GRIP1: variants seen among roughly 807,000 people sequenced by gnomAD.
GRIP1 encodes glutamate receptor interacting protein 1.
A neutral mutation model predicts 129.9 loss-of-function variants in GRIP1; 45 were observed. The ratio of observed to expected loss-of-function variants is 0.35; its 90% CI spans 0.27 to 0.44. GRIP1 has a LOEUF of 0.44. GRIP1 is among the 20% of genes least tolerant of loss of function. The pLI, the probability that GRIP1 is intolerant of heterozygous loss-of-function variation, is 1.00. For synonymous variants in GRIP1, 530 were observed against 520.8 expected, an observed-to-expected ratio of 1.02 and a Z score of -0.24; for missense variants, 1,196 against 1,396.8, an observed-to-expected ratio of 0.86 and a Z score of 2.29.
chr12:66,970,105 TCTTA>T (rs2042051223), intron 1 of GRIP1, among the ~76,000 whole-genome samples: 1 of 151,992 alleles, frequency 6.6e-6, no homozygotes, highest in Admixed American at 6.6e-5. Context: ...TGAGACAGGG[TCTTA>T]CTTACTCTGT....
chr12:67,036,104 C>A (rs1014443199), intron 1 of GRIP1, among the ~76,000 whole-genome samples: 7 of 152,080 alleles, frequency 4.6e-5, no homozygotes, highest in African/African-American at 1.7e-4. Flanking sequence ...AGGTTCATCA[C>A]CATTGTTTCA....
At chr12:66,727,726 A>G (rs1260222744) in intron 1 of GRIP1, among the ~76,000 whole-genome samples, 1 of 152,202 alleles carries the variant, frequency 6.6e-6, no homozygotes, top group Non-Finnish European at 1.5e-5. Flanking sequence ...TTTTGAAAGA[A>G]GGTAGAAAAA....
In GRIP1 at chr12:66,379,334, G is replaced by A; in HGVS notation, c.2567C>T (p.Thr856Ile). The change falls in exon 20 of 25, where the codon ACT becomes ATT. Residue 856 changes from threonine to isoleucine, a missense_variant. By Grantham distance (89) the Thr-to-Ile change is moderately conservative. Coordinates refer to ENST00000359742, the MANE Select transcript of GRIP1 (RefSeq NM_001366722.1). ...ATAACTCAGCCCCACATCTGGGTAA[G>A]TCTGGCTTCGAGGCTTAGTGACTGG... ...LSPVTKPRSQ[T>I]YPDVGLSYED... 1 of 1,614,070 alleles carries A rather than the reference G, an allele frequency of 6.2e-7. No homozygotes were observed. Among genetic ancestry groups the A allele is most frequent in the South Asian group, 1.1e-5 (1 of 91,080 alleles).
At chr12:66,685,079 G>A (rs2034731804) in intron 1 of GRIP1, among the ~76,000 whole-genome samples, 1 of 151,980 alleles carries the variant, frequency 6.6e-6, no homozygotes, top group African/African-American at 2.4e-5. Flanking sequence ...ACTCCCACCT[G>A]ACTGCCAGCA....
chr12:66,582,489 T>C (rs1241358211), intron 2 of GRIP1, among the ~76,000 whole-genome samples: 13 of 149,100 alleles, frequency 8.7e-5, no homozygotes, highest in African/African-American at 2.5e-4. Flanking sequence ...GATGACATGA[T>C]TGTATATCTA....
chr12:66,550,500 T>C (rs1309897756), intron 2 of GRIP1, among the ~76,000 whole-genome samples: 1 of 152,156 alleles, frequency 6.6e-6, no homozygotes, highest in Non-Finnish European at 1.5e-5. Context: ...ACAGACTACT[T>C]TGAGAATTTA....
At chr12:66,867,133 C>A (rs556214702) in intron 1 of GRIP1, among the ~76,000 whole-genome samples, 9 of 152,132 alleles carry the variant, frequency 5.9e-5, no homozygotes, top group Non-Finnish European at 1.2e-4. Context: ...AGATTGCAGG[C>A]GCAAGCTACC....
At chr12:66,593,279 T>C (rs1289102891) in intron 2 of GRIP1, among the ~76,000 whole-genome samples, 1 of 152,168 alleles carries the variant, frequency 6.6e-6, no homozygotes, top group Non-Finnish European at 1.5e-5. Flanking sequence ...AGGAGGGTGA[T>C]AAAAGGATTT....
At chr12:66,836,671 T>C (rs2039620127) in intron 1 of GRIP1, among the ~76,000 whole-genome samples, 1 of 152,174 alleles carries the variant, frequency 6.6e-6, no homozygotes, top group South Asian at 2.1e-4. Flanking sequence ...AAGACTGGTA[T>C]TGATATAAAA....
intron 1 of GRIP1, among the ~76,000 whole-genome samples, chr12:66,760,439 C>T (rs956681886): frequency 8.5e-5 from 13 of 152,106 alleles, no homozygotes; most frequent in African/African-American, 3.1e-4. Flanking sequence ...CTGGGGAGGC[C>T]TCAGAATCAT....
At chr12:66,637,984 T>C (rs2031562051) in intron 1 of GRIP1, among the ~76,000 whole-genome samples, 1 of 152,252 alleles carries the variant, frequency 6.6e-6, no homozygotes, top group Admixed American at 6.5e-5. Context: ...AAATGCACTG[T>C]GAACACTAAA....
chr12:66,772,138 G>T (rs559534411), intron 1 of GRIP1, among the ~76,000 whole-genome samples: 24 of 152,300 alleles, frequency 1.6e-4, no homozygotes, highest in Admixed American at 1.5e-3. Flanking sequence ...AGGGAAATGA[G>T]GCTTAGTGAT....
At chr12:66,818,330 G>T (rs530414691) in intron 1 of GRIP1, among the ~76,000 whole-genome samples, 2 of 152,278 alleles carry the variant, frequency 1.3e-5, no homozygotes, top group East Asian at 3.9e-4. Flanking sequence ...CATAATGGTA[G>T]ATACAAGTTT....
chr12:66,429,143 C>T (rs1414051738), intron 14 of GRIP1, among the ~76,000 whole-genome samples: 2 of 152,168 alleles, frequency 1.3e-5, no homozygotes, highest in Admixed American at 6.5e-5. Flanking sequence ...ATCAGACAGA[C>T]TCATTTCTCA....
chr12:66,636,685 C>T (rs1385949274), intron 1 of GRIP1, among the ~76,000 whole-genome samples: 1 of 150,004 alleles, frequency 6.7e-6, no homozygotes, highest in Non-Finnish European at 1.5e-5. Context: ...GAGCTGGTGT[C>T]TTTATAAAAC....
chr12:66,628,409 C>T (rs2030352485), intron 1 of GRIP1, among the ~76,000 whole-genome samples: 1 of 152,100 alleles, frequency 6.6e-6, no homozygotes, highest in Non-Finnish European at 1.5e-5. Flanking sequence ...CCCGTACTAA[C>T]ATGTACAAGG....
intron 1 of GRIP1, among the ~76,000 whole-genome samples, chr12:66,990,448 T>C (rs1355017512): frequency 6.6e-6 from 1 of 152,150 alleles, no homozygotes; most frequent in Non-Finnish European, 1.5e-5. Flanking sequence ...ATAAAGCTAC[T>C]AACATTAAGG....
chr12:66,674,011 T>TA (rs1205117814), intron 1 of GRIP1, among the ~76,000 whole-genome samples: 3 of 152,208 alleles, frequency 2.0e-5, no homozygotes, highest in African/African-American at 7.2e-5. Flanking sequence ...AGGACATGGT[T>TA]GCAGGTGAGA....
intron 1 of GRIP1, among the ~76,000 whole-genome samples, chr12:67,044,486 T>C (rs983810163): frequency 1.3e-5 from 2 of 152,226 alleles, no homozygotes; most frequent in African/African-American, 4.8e-5. Context: ...TTCTTACAGA[T>C]TTTTCTAAGT....
Sources: gnomAD v4.1 joint callset for allele counts (sites outside exome capture counted in the v4.1 genomes callset) on GRCh38, gnomAD v4.1.1 for gene constraint, MANE v1.5 for transcripts, NCBI Gene and HGNC (gene_info 2026-07-23, HGNC 2026-07-21) for gene names.